Variants in ME3 observed in about 807,000 individuals in gnomAD.
ME3 encodes NADP-dependent malic enzyme, mitochondrial.
Under a neutral mutation model 68.9 loss-of-function variants are expected in ME3, and 48 were observed. The ratio of observed to expected loss-of-function variants is 0.70; its 90% confidence interval spans 0.55 to 0.89. The LOEUF (loss-of-function observed/expected upper bound fraction) is 0.89, where lower values mean the gene tolerates loss of function less well. Among genes scored for constraint, ME3 ranks in the 40% least tolerant of loss-of-function variants. ME3 has a pLI of 0.00. For missense variants in ME3, 675 were observed against 797.4 expected (o/e 0.85, Z 1.85); for synonymous variants, 320 against 318.8 (o/e 1.00, Z -0.04).
At position 86,524,436 on chromosome 11, in the gene ME3, G is replaced by C. The variant is rs142469997; in HGVS notation, c.468-15569C>G. On this transcript the variant is annotated intron_variant, in intron 4 of 14. Transcript: ENST00000543262. ...TTTTTTTCCACTGAATCATAAATCT[G>C]CAGCCTCAGTTTAAGAAATAGGCTA... Among the ~76,000 whole-genome samples the C allele has an allele frequency of 6.4e-3, 978 of 152,252 alleles. 9 individuals are homozygous for C. Among genetic ancestry groups the C allele is most frequent in the African/African-American group, 0.023 (941 of 41,532 alleles).
At chr11:86,594,538 TA>T (rs566060589) in intron 2 of ME3, among the ~76,000 whole-genome samples, 1 of 144,374 alleles carries the variant, frequency 6.9e-6, no homozygotes, top group Non-Finnish European at 1.5e-5. Flanking sequence ...AAAATAATAA[TA>T]AAAAAATCAG....
intron 2 of ME3, among the ~76,000 whole-genome samples, chr11:86,643,802 G>C (rs956970168): frequency 6.6e-6 from 1 of 152,246 alleles, no homozygotes; most frequent in South Asian, 2.1e-4. Context: ...TTCTCAATAA[G>C]TTTATTGAAT....
chr11:86,665,486 C>A (rs1286082804), intron 2 of ME3, among the ~76,000 whole-genome samples: 1 of 151,844 alleles, frequency 6.6e-6, no homozygotes, highest in Non-Finnish European at 1.5e-5. Context: ...CTGAGGAGGC[C>A]AATGGGGTTG....
Position 86,491,843 on chromosome 11 carries a change from T to A in ME3, c.706-4403A>T, listed in dbSNP as rs543799328. ...TTTAGAATTAAGTGTGACCCATGTA[T>A]TACATGGAACACACTTATGCTAAAA... On this transcript the variant is annotated intron_variant, in intron 6 of 14. Transcript: ENST00000543262. 2.6e-5 allele frequency among the ~76,000 whole-genome samples: 4 copies of A among 152,354 alleles called. No homozygotes were observed. In the South Asian group the frequency reaches 8.3e-4, roughly 32 times the overall value.
At chr11:86,632,898 A>T (rs1177486371) in intron 2 of ME3, among the ~76,000 whole-genome samples, 1 of 152,180 alleles carries the variant, frequency 6.6e-6, no homozygotes, top group Non-Finnish European at 1.5e-5. Flanking sequence ...ACGGTGAGGA[A>T]GGGCTTTCAG....
intron 8 of ME3, among the ~76,000 whole-genome samples, chr11:86,455,439 A>G (rs1006321173): frequency 1.3e-5 from 2 of 152,250 alleles, no homozygotes; most frequent in African/African-American, 4.8e-5. Context: ...TTGTAAGGAA[A>G]GAAATTACTA....
chr11:86,599,536 T>C (rs962107451), intron 2 of ME3, among the ~76,000 whole-genome samples: 10 of 152,198 alleles, frequency 6.6e-5, no homozygotes, highest in Non-Finnish European at 1.5e-4. Flanking sequence ...TGCAGGTTAT[T>C]ATCCAGGACA....
At chr11:86,616,565 T>C (rs1026198671) in intron 2 of ME3, among the ~76,000 whole-genome samples, 23 of 152,290 alleles carry the variant, frequency 1.5e-4, no homozygotes, top group African/African-American at 5.5e-4. Context: ...CATCTGAAAG[T>C]CACACAGCAT....
At chr11:86,534,620 A>C (rs545856172) in intron 4 of ME3, among the ~76,000 whole-genome samples, 43 of 152,306 alleles carry the variant, frequency 2.8e-4, no homozygotes, top group Non-Finnish European at 4.9e-4. Flanking sequence ...GGTTGCAGTG[A>C]GCCGAGATCA....
intron 2 of ME3, among the ~76,000 whole-genome samples, chr11:86,643,612 C>T (rs1291338470): frequency 6.6e-6 from 1 of 152,046 alleles, no homozygotes; most frequent in Non-Finnish European, 1.5e-5. Context: ...ACCTTCTTAC[C>T]CTTCTTTCTC....
intron 6 of ME3, among the ~76,000 whole-genome samples, chr11:86,496,985 T>C (rs1310311415): frequency 6.6e-6 from 1 of 151,848 alleles, no homozygotes; most frequent in Non-Finnish European, 1.5e-5. Flanking sequence ...ATTTTCTCTA[T>C]TTATTTATTT....
chr11:86,551,886 C>T (rs1336377081), intron 4 of ME3, among the ~76,000 whole-genome samples: 2 of 152,250 alleles, frequency 1.3e-5, no homozygotes, highest in Non-Finnish European at 2.9e-5. Flanking sequence ...TTCCCAGCCT[C>T]ACCTTTCTAA....
intron 7 of ME3, among the ~76,000 whole-genome samples, chr11:86,471,140 G>GTTTTTTTTTTTTTTTTTTTT (rs1950759418): frequency 9.1e-6 from 1 of 110,254 alleles, no homozygotes; most frequent in African/African-American, 3.6e-5. Context: ...AAGGCCCAGA[G>GTTTTTTTTTTTTTTTTTTTT]CTTTTTTTTT....
intron 2 of ME3, among the ~76,000 whole-genome samples, chr11:86,613,580 C>T (rs562196673): frequency 1.4e-4 from 22 of 152,186 alleles, no homozygotes; most frequent in South Asian, 1.0e-3. Flanking sequence ...CCATCATCTC[C>T]GCCCCAAAAC....
At chr11:86,630,983 G>A (rs996631077) in intron 2 of ME3, among the ~76,000 whole-genome samples, 7 of 152,246 alleles carry the variant, frequency 4.6e-5, no homozygotes, top group South Asian at 2.1e-4. Context: ...AGGCGGCAGG[G>A]ATGGCAGGAA....
chr11:86,440,847 C>T (rs78354721), downstream of ME3, among the ~76,000 whole-genome samples: 2,060 of 152,314 alleles, frequency 0.014, 20 homozygotes, highest in Middle Eastern at 0.031. Flanking sequence ...CCTTCTCTTA[C>T]ATTTCCATAG....
chr11:86,536,782 C>T (rs2139314527), intron 4 of ME3, among the ~76,000 whole-genome samples: 1 of 151,974 alleles, frequency 6.6e-6, no homozygotes, highest in East Asian at 1.9e-4. Context: ...CATCCCATTA[C>T]TGGGTATATA....
chr11:86,468,726 A>G (rs1368800543), intron 7 of ME3, among the ~76,000 whole-genome samples: 1 of 152,220 alleles, frequency 6.6e-6, no homozygotes, highest in Admixed American at 6.5e-5. Context: ...AGCTTTCACC[A>G]TAACACTAAT....
chr11:86,586,583 C>G (rs1444203431), intron 2 of ME3, among the ~76,000 whole-genome samples: 4 of 152,152 alleles, frequency 2.6e-5, no homozygotes, highest in Non-Finnish European at 4.4e-5. Flanking sequence ...GGTCTATAAG[C>G]TGGTGCCAAA....
Sources: gnomAD v4.1 joint callset for allele counts (sites outside exome capture counted in the v4.1 genomes callset) on GRCh38, gnomAD v4.1.1 for gene constraint, MANE v1.5 for transcripts, NCBI Gene and HGNC (gene_info 2026-07-23, HGNC 2026-07-21) for gene names.